Variants in DAAM2 observed in about 807,000 individuals in gnomAD.
DAAM2 encodes the protein dishevelled associated activator of morphogenesis 2.
In DAAM2, 39 loss-of-function variants were observed where a neutral mutation model predicts 120.7. The observed-to-expected ratio is 0.32, with a 90% CI of 0.25 to 0.42. The LOEUF (loss-of-function observed/expected upper bound fraction) is 0.42, where lower values mean the gene tolerates loss of function less well. Ranked by LOEUF, DAAM2 falls within the 10% of genes least tolerant of loss-of-function variation. The pLI is 1.00. For synonymous variants in DAAM2, 488 were observed against 524.9 expected, an observed-to-expected ratio of 0.93 and a Z score of 0.96; for missense variants, 1,283 against 1,401.7, an observed-to-expected ratio of 0.92 and a Z score of 1.35.
chr6:39,840,630 T>C (rs749486728), intron 1 of DAAM2, among the ~76,000 whole-genome samples: 8 of 152,032 alleles, frequency 5.3e-5, no homozygotes, highest in Non-Finnish European at 1.2e-4. Flanking sequence ...GGAGTGACCA[T>C]TGCTGAATTA....
intron 1 of DAAM2, among the ~76,000 whole-genome samples, chr6:39,809,533 T>C (rs1451416137): frequency 6.6e-6 from 1 of 152,150 alleles, no homozygotes; most frequent in Non-Finnish European, 1.5e-5. Context: ...GATGGAACAC[T>C]AAGTTCTCAC....
intron 1 of DAAM2, among the ~76,000 whole-genome samples, chr6:39,841,338 CA>C (rs1449525506): frequency 3.0e-5 from 2 of 65,826 alleles, no homozygotes; most frequent in Non-Finnish European, 5.6e-5. Context: ...GCGAGGGTTC[CA>C]GGGGGAGAGG....
chr6:39,891,436 T>C lies in DAAM2; in HGVS notation c.2241T>C (p.Tyr747=). The change falls in exon 18 of 25, where the codon TAT becomes TAC. Residue 747 remains tyrosine (Y), a synonymous_variant. Coordinates refer to ENST00000274867, the MANE Select transcript of DAAM2 (RefSeq NM_001201427.2). The part of the protein sequence containing the change: ...ERMARADRFL[Y]EMSRIDHYQQ... ...TGGCCCGTGCTGACCGCTTCCTCTA[T>C]GAAATGAGCAGGTTGGGCCATGGGC... 1 of 1,606,962 alleles carries C rather than the reference T, an allele frequency of 6.2e-7. No individual in the cohort carries two copies. The highest frequency in any genetic ancestry group is 8.5e-7 in the Non-Finnish European group (1 of 1,176,464).
rs774833561 is a variant in DAAM2 at position 39,836,152 on chromosome 6, C to G, written c.-56-20095C>G. ...TCTGCCGGCCAGATTCACAGCAGAC[C>G]TCCCCCCTGTGCAGAAGATTCCCTC... On this transcript the variant is annotated intron_variant, in intron 1 of 24. Coordinates refer to ENST00000274867, the MANE Select transcript of DAAM2 (RefSeq NM_001201427.2). 1.8e-3 allele frequency among the ~76,000 whole-genome samples: 269 copies of G among 152,232 alleles called. 7 individuals carry two copies. The highest frequency in any genetic ancestry group is 1.9e-3 in the Non-Finnish European group (130 of 68,004).
chr6:39,891,646 C>T lies in DAAM2; in HGVS notation c.2265C>T (p.Tyr755=). 3 of 1,611,244 alleles carry T rather than the reference C, an allele frequency of 1.9e-6. No individual in the cohort carries two copies. The highest frequency in any genetic ancestry group is 1.7e-6 in the Non-Finnish European group (2 of 1,178,706). The change falls in exon 19 of 25, where the codon TAC becomes TAT. Residue 755 remains tyrosine, a synonymous_variant. Transcript: ENST00000274867. The stretch of plus-strand genomic sequence containing the variant: ...ACCTTGTCTACAGGATTGACCACTA[C>T]CAGCAGCGACTGCAAGCCCTCTTCT... ...FLYEMSRIDH[Y]QQRLQALFFK...
chr6:39,835,216 G>C (rs942375029), intron 1 of DAAM2, among the ~76,000 whole-genome samples: 2 of 152,230 alleles, frequency 1.3e-5, no homozygotes, highest in African/African-American at 2.4e-5. Flanking sequence ...TAGGGGTCCA[G>C]GTAGTGACTG....
At chr6:39,871,360 A>T in intron 8 of DAAM2, 146 bp from the exon 9 acceptor site, 1 of 732,152 alleles carries the variant, frequency 1.4e-6, no homozygotes, top group Non-Finnish European at 2.4e-6. Flanking sequence ...TCCTACAAAC[A>T]GCGGCTTCTT....
chr6:39,826,022 A>G (rs1437975479), intron 1 of DAAM2, among the ~76,000 whole-genome samples: 1 of 152,224 alleles, frequency 6.6e-6, no homozygotes, highest in Non-Finnish European at 1.5e-5. Flanking sequence ...CAAATATGAG[A>G]TAAGGCGTAT....
At position 39,823,800 on chromosome 6, in the gene DAAM2, C is replaced by G. The variant is rs1762571410; in HGVS notation, c.-57+31335C>G. Among the ~76,000 whole-genome samples the G allele has an allele frequency of 2.0e-5, 3 of 152,184 alleles. No homozygotes were observed. In the South Asian group the frequency reaches 6.2e-4, roughly 32 times the overall value. Reference sequence around the variant, plus strand: ...TAGATGGGGCTGGGCAATCAGCATCCTTTCTGGATCGGATGTCCTGCCAGT... The same window carrying G: ...TAGATGGGGCTGGGCAATCAGCATCGTTTCTGGATCGGATGTCCTGCCAGT... On this transcript the variant is annotated intron_variant, in intron 1 of 24. Transcript: ENST00000274867.
chr6:39,831,433 T>A (rs1762883409), intron 1 of DAAM2, among the ~76,000 whole-genome samples: 1 of 152,024 alleles, frequency 6.6e-6, no homozygotes, highest in African/African-American at 2.4e-5. Context: ...ATCCCCACAA[T>A]TAATCCCCAC....
chr6:39,825,083 G>A (rs932064265), intron 1 of DAAM2, among the ~76,000 whole-genome samples: 19 of 152,266 alleles, frequency 1.2e-4, no homozygotes, highest in Admixed American at 2.0e-4. Context: ...GGGCCTGGAT[G>A]TGAATTTAAG....
intron 1 of DAAM2, among the ~76,000 whole-genome samples, chr6:39,807,110 A>G (rs950764059): frequency 1.3e-5 from 2 of 152,104 alleles, no homozygotes; most frequent in African/African-American, 4.8e-5. Flanking sequence ...AAAGCAACCC[A>G]TATATCCATT....
At chr6:39,867,489 G>A in intron 5 of DAAM2, 21 bp from the exon 6 acceptor site, 1 of 1,609,518 alleles carries the variant, frequency 6.2e-7, no homozygotes, top group Non-Finnish European at 8.5e-7. Context: ...ATATATGTTT[G>A]TTAATGGCTC....
chr6:39,831,624 A>G (rs1762892080), intron 1 of DAAM2, among the ~76,000 whole-genome samples: 1 of 151,134 alleles, frequency 6.6e-6, no homozygotes, highest in Admixed American at 6.6e-5. Context: ...TGCCAGGGCC[A>G]CAAAGACAGT....
intron 1 of DAAM2, among the ~76,000 whole-genome samples, chr6:39,795,380 T>C (rs1168591460): frequency 6.6e-6 from 1 of 152,102 alleles, no homozygotes; most frequent in African/African-American, 2.4e-5. Flanking sequence ...CCGACAACAA[T>C]GGAAAGAGTG....
Position 39,901,361 on chromosome 6 carries a change from C to A in DAAM2, c.2871C>A (p.Phe957Leu). The A allele has an allele frequency of 6.2e-7, 1 of 1,613,964 alleles. No individual in the cohort carries two copies. The highest frequency in any genetic ancestry group is 8.5e-7 in the Non-Finnish European group (1 of 1,179,874). ...EHDSKMQPDEFFGIFDTFLQA... is the reference protein window; with the variant it reads ...EHDSKMQPDELFGIFDTFLQA... ...ACAGCAAGATGCAGCCAGACGAATT[C>A]TTTGGCATCTTTGATACCTTCTTGC... The change falls in exon 24 of 25, where the codon TTC (phenylalanine) becomes TTA (leucine). Residue 957 changes from phenylalanine to leucine, a missense_variant. Transcript: ENST00000274867. This position sits in a 1 kb window ranked among gnomAD's most constrained non-coding sequence, Gnocchi z 4.5.
Position 39,898,927 on chromosome 6 carries a change from C to T in DAAM2, c.2669C>T (p.Ala890Val), listed in dbSNP as rs745831770. 2.7e-5 allele frequency: 44 copies of T among 1,611,216 alleles called. No homozygotes were observed. Among genetic ancestry groups the T allele is most frequent in the Admixed American group, 8.4e-5 (5 of 59,720 alleles). ...GGCAACCTCAGGAGGGGCCTGAGAG[C>T]GGTGGAGGTGGTGAGTACCTTGTCA... is the stretch of plus-strand genomic sequence containing the variant. Reference protein sequence around the residue: ...EVGNLRRGLRAVEVELEYQRR... With the variant: ...EVGNLRRGLRVVEVELEYQRR... Residue 890 changes from alanine (A) to valine (V), a missense_variant, in exon 22 of 25, where the codon GCG becomes GTG. By Grantham distance (64) the Ala-to-Val change is moderately conservative. Transcript: ENST00000274867.
rs545593088 is a variant in DAAM2 at position 39,869,060 on chromosome 6, C to A, written c.873+127C>A. On this transcript the variant is annotated intron_variant, in intron 7 of 24. Transcript: ENST00000274867. ...CCTGGGAGGGCTCCTGGGGAGTTGCCTACATAGGTAGCATCATGCACGGTG... is the reference window on the plus strand; with the variant it reads ...CCTGGGAGGGCTCCTGGGGAGTTGCATACATAGGTAGCATCATGCACGGTG... The A allele has an allele frequency of 3.4e-4, 241 of 709,938 alleles. 5 individuals are homozygous for A. In the Admixed American group the frequency reaches 5.2e-3, roughly 15 times the overall value. The allele number at this position is 709,938 out of a possible 1,614,324, so 44.0% of individuals were successfully genotyped here. A position where few individuals can be genotyped will look rare whatever the true frequency, so the allele number is the denominator to read the frequency against.
chr6:39,897,067 C>T (rs1282554966), intron 20 of DAAM2, 87 bp downstream of exon 20: 13 of 1,524,392 alleles, frequency 8.5e-6, no homozygotes, highest in Non-Finnish European at 9.9e-6. Flanking sequence ...AGGACGGGAA[C>T]ATCCTAAGAC....
Sources: gnomAD v4.1 joint callset for allele counts (sites outside exome capture counted in the v4.1 genomes callset) on GRCh38, gnomAD v4.1.1 for gene constraint, Gnocchi (gnomAD v3.1) non-coding constraint, MANE v1.5 for transcripts, NCBI Gene and HGNC (gene_info 2026-07-23, HGNC 2026-07-21) for gene names.